The following NLRC4 variants were observed in gnomAD, a reference collection of about 807,000 sequenced individuals.
NLRC4 encodes the protein NLR family CARD domain-containing protein 4.
A neutral mutation model predicts 79.9 loss-of-function variants in NLRC4; 63 were observed. The observed-to-expected ratio is 0.79, with a 90% CI of 0.64 to 0.97. The LOEUF (loss-of-function observed/expected upper bound fraction) is 0.97. Among genes scored for constraint, NLRC4 ranks in the 50% least tolerant of loss-of-function variants. NLRC4 has a pLI of 0.00. For synonymous variants in NLRC4, 461 were observed against 456.5 expected (o/e 1.01, Z -0.12); for missense variants, 1,074 against 1,215.2 (o/e 0.88, Z 1.73).
intron 1 of NLRC4, among the ~76,000 whole-genome samples, chr2:32,264,433 CAAAA>C (rs1278984114): frequency 8.2e-5 from 5 of 60,906 alleles, no homozygotes; most frequent in Admixed American, 3.8e-4. Context: ...GACTCTGTCT[CAAAA>C]AAAAAAAAAA....
intron 8 of NLRC4, among the ~76,000 whole-genome samples, chr2:32,234,520 C>T (rs577639122): frequency 1.3e-5 from 2 of 152,200 alleles, no homozygotes; most frequent in South Asian, 4.1e-4. Context: ...AGTATGATAG[C>T]TTCCAAGTTG....
intron 7 of NLRC4, 114 bp downstream of exon 7, chr2:32,236,133 G>T: frequency 1.7e-6 from 1 of 597,794 alleles, no homozygotes; most frequent in Non-Finnish European, 2.9e-6. Flanking sequence ...CCTAAGGAGG[G>T]TGCATCTAGT....
chr2:32,246,446 GAATCTTAAAATGATAGGAA>G (rs1686939923), intron 4 of NLRC4, among the ~76,000 whole-genome samples: 1 of 152,178 alleles, frequency 6.6e-6, no homozygotes, highest in Non-Finnish European at 1.5e-5. Flanking sequence ...AAAAATTCTA[GAATCTTAAAATGATAGGAA>G]ATTTCTCTGT....
chr2:32,230,648 T>C (rs1686511457), intron 8 of NLRC4, among the ~76,000 whole-genome samples: 1 of 152,134 alleles, frequency 6.6e-6, no homozygotes, highest in Non-Finnish European at 1.5e-5. Flanking sequence ...ATTTTTTTCA[T>C]ACTACATTTT....
chr2:32,256,121 A>G (rs1483893547), intron 2 of NLRC4, among the ~76,000 whole-genome samples: 2 of 152,182 alleles, frequency 1.3e-5, no homozygotes, highest in East Asian at 1.9e-4. Flanking sequence ...TTCCTTATCA[A>G]GTAATTAGGT....
At chr2:32,262,803 A>G (rs1014394187) in intron 1 of NLRC4, among the ~76,000 whole-genome samples, 5 of 151,670 alleles carry the variant, frequency 3.3e-5, no homozygotes, top group Admixed American at 2.0e-4. Flanking sequence ...AATAGGACTG[A>G]GACCAGTGTA....
intron 1 of NLRC4, among the ~76,000 whole-genome samples, chr2:32,260,912 G>A (rs2148948582): frequency 6.6e-6 from 1 of 152,248 alleles, no homozygotes; most frequent in East Asian, 1.9e-4. Context: ...CCATGCATTG[G>A]CTGGGTGCAG....
intron 1 of NLRC4, among the ~76,000 whole-genome samples, chr2:32,264,433 C>CAAA (rs1278984114): frequency 1.6e-5 from 1 of 60,912 alleles, no homozygotes; most frequent in Non-Finnish European, 3.4e-5. Context: ...GACTCTGTCT[C>CAAA]AAAAAAAAAA....
At chr2:32,252,987 C>T (rs929489845) in intron 2 of NLRC4, among the ~76,000 whole-genome samples, 3 of 151,758 alleles carry the variant, frequency 2.0e-5, no homozygotes, top group Non-Finnish European at 2.9e-5. Flanking sequence ...CACTGCACTC[C>T]GGCCTGGGCG....
At chr2:32,245,787 T>C (rs1289430270) in intron 4 of NLRC4, among the ~76,000 whole-genome samples, 2 of 152,156 alleles carry the variant, frequency 1.3e-5, no homozygotes, top group Non-Finnish European at 2.9e-5. Flanking sequence ...AAATTTACCT[T>C]ATAGGGTTAA....
At chr2:32,258,165 C>A (rs887015262) in intron 1 of NLRC4, among the ~76,000 whole-genome samples, 1 of 152,164 alleles carries the variant, frequency 6.6e-6, no homozygotes, top group Non-Finnish European at 1.5e-5. Flanking sequence ...TCTTCTCCAA[C>A]CCTCCAGGCC....
chr2:32,251,673 G>T, intron 3 of NLRC4, 72 bp from the exon 4 acceptor site: 1 of 1,009,982 alleles, frequency 9.9e-7, no homozygotes, highest in Non-Finnish European at 1.5e-6. Flanking sequence ...TCAGGAGGAT[G>T]AACGGGGGGG....
chr2:32,250,372 A>G lies in NLRC4; in HGVS notation c.1492T>C (p.Ser498Pro). ...SSLLRYTCGS[S>P]VEATRAVMKH... ...ATAACAGCCCTGGTGGCTTCCACAG[A>G]TGACCCACAGGTGTACCGGAGCAGG... The change falls in exon 4 of 9, where the codon TCT becomes CCT. Residue 498 changes from serine (S) to proline (P), a missense_variant. Coordinates refer to ENST00000402280, the MANE Select transcript of NLRC4 (RefSeq NM_001199138.2). This position sits in a 1 kb window ranked among gnomAD's most constrained non-coding sequence, Gnocchi z 4.9. The G allele has an allele frequency of 6.2e-7, 1 of 1,614,212 alleles. No individual in the cohort carries two copies. The highest frequency in any genetic ancestry group is 8.5e-7 in the Non-Finnish European group (1 of 1,180,032).
chr2:32,226,717 G>C (rs1242026749), intron 8 of NLRC4, among the ~76,000 whole-genome samples: 1 of 152,106 alleles, frequency 6.6e-6, no homozygotes, highest in Non-Finnish European at 1.5e-5. Context: ...CCCGTCTCTA[G>C]TAAAAATACA....
intron 1 of NLRC4, among the ~76,000 whole-genome samples, chr2:32,262,905 T>G (rs1179095034): frequency 6.6e-6 from 1 of 151,618 alleles, no homozygotes; most frequent in African/African-American, 2.4e-5. Context: ...TTCCCCCACA[T>G]TTGTACATTG....
intron 2 of NLRC4, among the ~76,000 whole-genome samples, chr2:32,256,066 T>G (rs1012463197): frequency 6.6e-6 from 1 of 152,082 alleles, no homozygotes; most frequent in African/African-American, 2.4e-5. Flanking sequence ...AGTAAGATAT[T>G]ATTTTACTAT....
At chr2:32,248,638 A>G (rs975618832) in intron 4 of NLRC4, among the ~76,000 whole-genome samples, 1 of 152,148 alleles carries the variant, frequency 6.6e-6, no homozygotes, top group African/African-American at 2.4e-5. Flanking sequence ...TGGGAAACAT[A>G]GTGAGACCTC....
intron 4 of NLRC4, among the ~76,000 whole-genome samples, chr2:32,241,369 CTTTTTT>C (rs34150887): frequency 1.3e-5 from 1 of 74,360 alleles, no homozygotes; most frequent in Non-Finnish European, 2.4e-5. Flanking sequence ...AAAAAATTTC[CTTTTTT>C]TTTTTTTTTT....
intron 8 of NLRC4, among the ~76,000 whole-genome samples, chr2:32,225,393 C>CACAT (rs1558442691): frequency 7.1e-6 from 1 of 140,168 alleles, no homozygotes; most frequent in East Asian, 2.1e-4. Context: ...CACACACACA[C>CACAT]ACATACATAC....
Sources: allele counts gnomAD v4.1 joint callset (sites outside exome capture counted in the v4.1 genomes callset), GRCh38; gene constraint gnomAD v4.1.1; non-coding constraint Gnocchi (gnomAD v3.1); transcripts MANE v1.5; gene names NCBI Gene and HGNC (gene_info 2026-07-23, HGNC 2026-07-21).